The following MMP16 variants were observed in gnomAD, a reference collection of about 807,000 sequenced individuals.
The protein encoded by MMP16 is matrix metallopeptidase 16.
In MMP16, 12 loss-of-function variants were observed where a neutral mutation model predicts 67.8. The ratio of observed to expected loss-of-function variants is 0.18; its 90% CI spans 0.11 to 0.29. MMP16 has a LOEUF of 0.29. Ranked by LOEUF, MMP16 falls within the 10% of genes least tolerant of loss-of-function variation. The pLI, the probability that MMP16 is intolerant of heterozygous loss-of-function variation, is 1.00. For missense variants in MMP16, 475 were observed against 765.7 expected (o/e 0.62, Z 4.48); for synonymous variants, 249 against 255.9 (o/e 0.97, Z 0.26).
intron 4 of MMP16, among the ~76,000 whole-genome samples, chr8:88,124,587 C>T (rs1398034391): frequency 6.6e-6 from 1 of 151,950 alleles, no homozygotes; most frequent in Non-Finnish European, 1.5e-5. Flanking sequence ...GCCACCCTGT[C>T]AAGCCACCTT....
intron 1 of MMP16, among the ~76,000 whole-genome samples, chr8:88,217,639 C>T (rs547027879): frequency 6.6e-6 from 1 of 151,934 alleles, no homozygotes; most frequent in East Asian, 1.9e-4. Flanking sequence ...CACCAATTCC[C>T]CTGCCTCTGC....
At chr8:88,299,223 G>A (rs1811061102) in intron 1 of MMP16, among the ~76,000 whole-genome samples, 1 of 152,068 alleles carries the variant, frequency 6.6e-6, no homozygotes, top group Admixed American at 6.6e-5. Flanking sequence ...GGTTTTTCAT[G>A]GCTGAACCCT....
Position 88,196,403 on chromosome 8 carries a change from G to A in MMP16, c.281+755C>T, listed in dbSNP as rs187829316. On this transcript the variant is annotated intron_variant, in intron 2 of 9. Transcript: ENST00000286614. Reference sequence around the variant, plus strand: ...GTGTACCTGTGGTAACACCATTTGCGATTATGTCTATCTATGCAGAAGATA... The same window carrying A: ...GTGTACCTGTGGTAACACCATTTGCAATTATGTCTATCTATGCAGAAGATA... 9.7e-4 allele frequency among the ~76,000 whole-genome samples: 148 copies of A among 152,208 alleles called. 1 individual carries two copies. Among genetic ancestry groups the A allele is most frequent in the Middle Eastern group, 3.4e-3 (1 of 294 alleles).
At chr8:88,306,168 C>T (rs1424844313) in intron 1 of MMP16, among the ~76,000 whole-genome samples, 3 of 151,856 alleles carry the variant, frequency 2.0e-5, no homozygotes, top group Non-Finnish European at 4.4e-5. Context: ...CCTTTATGCA[C>T]ATAAACTAAA....
chr8:88,160,213 C>T (rs1808592756), intron 4 of MMP16, among the ~76,000 whole-genome samples: 1 of 151,832 alleles, frequency 6.6e-6, no homozygotes. Flanking sequence ...TGAGTGAGAA[C>T]ATGCGGTGTT....
At chr8:88,200,238 G>C (rs1809320813) in intron 1 of MMP16, among the ~76,000 whole-genome samples, 1 of 151,900 alleles carries the variant, frequency 6.6e-6, no homozygotes, top group Admixed American at 6.6e-5. Flanking sequence ...AAGCAAATAA[G>C]GAAGGTGTGA....
chr8:88,260,864 T>C (rs1363008505), intron 1 of MMP16, among the ~76,000 whole-genome samples: 1 of 152,208 alleles, frequency 6.6e-6, no homozygotes, highest in African/African-American at 2.4e-5. Flanking sequence ...CTTCAATCTA[T>C]AAATACTTTA....
intron 3 of MMP16, among the ~76,000 whole-genome samples, chr8:88,170,205 A>G (rs1808777286): frequency 6.6e-6 from 1 of 152,232 alleles, no homozygotes; most frequent in Non-Finnish European, 1.5e-5. Flanking sequence ...CAAAGGATGG[A>G]CAGAGCAAAA....
At chr8:88,196,298 C>T (rs1385828290) in intron 2 of MMP16, among the ~76,000 whole-genome samples, 2 of 151,986 alleles carry the variant, frequency 1.3e-5, no homozygotes, top group Non-Finnish European at 2.9e-5. Flanking sequence ...ATAATTTTTC[C>T]CTCTACTGAA....
chr8:88,083,665 T>A (rs990205229), intron 6 of MMP16, among the ~76,000 whole-genome samples: 1 of 152,076 alleles, frequency 6.6e-6, no homozygotes, highest in Non-Finnish European at 1.5e-5. Context: ...GAGTTAAACA[T>A]CTGTGCTGCC....
At position 88,072,054 on chromosome 8, in the gene MMP16, T is replaced by C. The variant is rs192027766; in HGVS notation, c.1222+2551A>G. ...TTAAAATATATGGTTTGTCAGATGGTACGTGCACAAGTTATGCAGGGAAGG... is the reference window on the plus strand; with the variant it reads ...TTAAAATATATGGTTTGTCAGATGGCACGTGCACAAGTTATGCAGGGAAGG... On this transcript the variant is annotated intron_variant, in intron 7 of 9. Transcript: ENST00000286614. Among the ~76,000 whole-genome samples the C allele has an allele frequency of 4.8e-3, 728 of 152,118 alleles. 6 individuals carry two copies. The highest frequency in any genetic ancestry group is 0.016 in the African/African-American group (670 of 41,510).
At chr8:88,104,552 C>T (rs1000686729) in intron 6 of MMP16, among the ~76,000 whole-genome samples, 2 of 151,578 alleles carry the variant, frequency 1.3e-5, no homozygotes, top group Non-Finnish European at 3.0e-5. Context: ...TGTCAACAAA[C>T]CTATTGCGCT....
At position 88,066,488 on chromosome 8, in the gene MMP16, C is replaced by T. The variant is rs576217348; in HGVS notation, c.1222+8117G>A. ...AACACCTTATGAGCATAAAGGAGAA[C>T]GACTCAGTGTTACTTACTAAATATC... is the stretch of plus-strand genomic sequence containing the variant. On this transcript the variant is annotated intron_variant, in intron 7 of 9. Coordinates refer to ENST00000286614, the MANE Select transcript of MMP16 (RefSeq NM_005941.5). Among the ~76,000 whole-genome samples the T allele has an allele frequency of 7.2e-5, 11 of 152,116 alleles. No homozygotes were observed. The South Asian group carries it at 1.2e-3, about 17-fold the overall frequency.
At chr8:88,067,706 C>A (rs939975085) in intron 7 of MMP16, among the ~76,000 whole-genome samples, 1 of 152,078 alleles carries the variant, frequency 6.6e-6, no homozygotes, top group African/African-American at 2.4e-5. Context: ...TATTTCACAG[C>A]AAAATTATTT....
intron 1 of MMP16, among the ~76,000 whole-genome samples, chr8:88,304,071 T>C (rs971861577): frequency 2.6e-5 from 4 of 152,240 alleles, no homozygotes; most frequent in Middle Eastern, 3.4e-3. Context: ...CAGAAGCTGA[T>C]AGCCAGAATA....
chr8:88,255,525 C>T (rs1159857305), intron 1 of MMP16, among the ~76,000 whole-genome samples: 1 of 152,102 alleles, frequency 6.6e-6, no homozygotes, highest in Admixed American at 6.6e-5. Flanking sequence ...GTTGAGAAAA[C>T]AGAGCTTCTT....
chr8:88,183,791 C>T (rs1281998933), intron 3 of MMP16, among the ~76,000 whole-genome samples: 1 of 143,924 alleles, frequency 6.9e-6, no homozygotes, highest in Non-Finnish European at 1.5e-5. Context: ...TCTCGGCTCA[C>T]TGCAACCTCC....
At chr8:88,122,789 C>G (rs1468596889) in intron 4 of MMP16, among the ~76,000 whole-genome samples, 1 of 151,202 alleles carries the variant, frequency 6.6e-6, no homozygotes, top group African/African-American at 2.4e-5. Flanking sequence ...CACATTGTAT[C>G]AGGGTTTTAT....
chr8:88,321,736 T>C (rs1259705327), intron 1 of MMP16, among the ~76,000 whole-genome samples: 1 of 152,208 alleles, frequency 6.6e-6, no homozygotes, highest in Non-Finnish European at 1.5e-5. Context: ...AAACTAAAGC[T>C]TCTAGGCTTA....
Sources: gnomAD v4.1 joint callset for allele counts (sites outside exome capture counted in the v4.1 genomes callset) on GRCh38, gnomAD v4.1.1 for gene constraint, MANE v1.5 for transcripts, NCBI Gene and HGNC (gene_info 2026-07-23, HGNC 2026-07-21) for gene names.